CFAP77: variants seen among roughly 807,000 people sequenced by gnomAD.
The protein encoded by CFAP77 is cilia and flagella associated protein 77, also known as cilia- and flagella-associated protein 77.
Under a neutral mutation model 31.1 loss-of-function variants are expected in CFAP77, and 25 were observed. The ratio of observed to expected loss-of-function variants is 0.80; its 90% CI spans 0.59 to 1.12. CFAP77 has a LOEUF of 1.12. Among genes scored for constraint, CFAP77 ranks in the 50% most tolerant of loss-of-function variants. The pLI is 0.00. For synonymous variants in CFAP77, 151 were observed against 159.9 expected, an observed-to-expected ratio of 0.94 and a Z score of 0.42; for missense variants, 377 against 397.3, an observed-to-expected ratio of 0.95 and a Z score of 0.44.
At chr9:132,486,946 C>T (rs1027632177) in intron 1 of CFAP77, among the ~76,000 whole-genome samples, 1 of 152,210 alleles carries the variant, frequency 6.6e-6, no homozygotes, top group Non-Finnish European at 1.5e-5. Flanking sequence ...GAAGGGAGGC[C>T]GGGCTGCCCC....
intron 1 of CFAP77, among the ~76,000 whole-genome samples, chr9:132,471,299 G>C (rs1369708996): frequency 6.6e-6 from 1 of 152,180 alleles, no homozygotes; most frequent in Non-Finnish European, 1.5e-5. Context: ...GAATAATCTG[G>C]AGAAGGTAGC....
At chr9:132,457,502 C>T (rs775797108) in intron 1 of CFAP77, among the ~76,000 whole-genome samples, 22 of 152,166 alleles carry the variant, frequency 1.4e-4, no homozygotes, top group Non-Finnish European at 2.8e-4. Flanking sequence ...TATTCGTTTT[C>T]CCCAGAAATG....
Position 132,501,806 on chromosome 9 carries a change from C to G in CFAP77, c.524+2206C>G, listed in dbSNP as rs1259165622. 1.3e-5 allele frequency among the ~76,000 whole-genome samples: 2 copies of G among 152,230 alleles called. No individual in the cohort carries two copies. The highest frequency in any genetic ancestry group is 2.9e-5 in the Non-Finnish European group (2 of 68,038). On this transcript the variant is annotated intron_variant, in intron 3 of 5. Transcript: ENST00000393216. This position sits in a 1 kb window ranked among gnomAD's most constrained non-coding sequence, Gnocchi z 4.6. ...TGGCTGAGGCCAGGGGAATCTGAAG[C>G]CTGGCTGGCCTGGTCTGATGATGCG...
intron 1 of CFAP77, among the ~76,000 whole-genome samples, chr9:132,472,471 C>T (rs769431735): frequency 3.3e-5 from 5 of 152,202 alleles, no homozygotes; most frequent in African/African-American, 4.8e-5. Flanking sequence ...TAACCACCAT[C>T]GTTGGCCAGG....
At chr9:132,487,013 A>C (rs556010833) in intron 1 of CFAP77, among the ~76,000 whole-genome samples, 2 of 152,378 alleles carry the variant, frequency 1.3e-5, no homozygotes, top group African/African-American at 4.8e-5. Flanking sequence ...CGTGGGAACC[A>C]GACAGGGCTG....
At chr9:132,560,362 A>G (rs955503488) in intron 5 of CFAP77, among the ~76,000 whole-genome samples, 2 of 152,118 alleles carry the variant, frequency 1.3e-5, no homozygotes, top group African/African-American at 4.8e-5. Flanking sequence ...TGAGCTTACA[A>G]GCTGAAGAAG....
rs1222211117 is a variant in CFAP77, at chr9:132,517,330, C to A, written c.524+17730C>A. ...GAGATGGATTTTAATTTTATTTTAA[C>A]AAAATAGCTGTCTCCACTGGAAGAA... On this transcript the variant is annotated intron_variant, in intron 3 of 5. Coordinates refer to ENST00000393216, the MANE Select transcript of CFAP77 (RefSeq NM_001282957.2). This position sits in a 1 kb window ranked among gnomAD's most constrained non-coding sequence, Gnocchi z 4.7. Among the ~76,000 whole-genome samples the A allele has an allele frequency of 6.6e-6, 1 of 152,128 alleles. No individual in the cohort carries two copies. The highest frequency in any genetic ancestry group is 1.5e-5 in the Non-Finnish European group (1 of 68,018).
In CFAP77 at chr9:132,480,865, G is replaced by A. The variant is rs1197094964; in HGVS notation, c.196-17830G>A. ...GGCAGAAAGCGGACGGTGAGCGAGA[G>A]GGCATAAGATGAGGCCAAGGCTAGG... On this transcript the variant is annotated intron_variant, in intron 1 of 5. Coordinates refer to ENST00000393216, the MANE Select transcript of CFAP77 (RefSeq NM_001282957.2). This position sits in a 1 kb window ranked among gnomAD's most constrained non-coding sequence, Gnocchi z 5.8. Among the ~76,000 whole-genome samples, 1 of 152,080 alleles carries A rather than the reference G, an allele frequency of 6.6e-6. No homozygotes were observed. The highest frequency in any genetic ancestry group is 1.5e-5 in the Non-Finnish European group (1 of 68,012).
intron 1 of CFAP77, among the ~76,000 whole-genome samples, chr9:132,478,891 T>C (rs74471397): frequency 0.015 from 2,243 of 151,984 alleles, 31 homozygotes; most frequent in East Asian, 0.058. Flanking sequence ...CTTTTTCTAT[T>C]TTGGTAATTA....
chr9:132,474,146 G>GA (rs1851308303), intron 1 of CFAP77, among the ~76,000 whole-genome samples: 3 of 152,138 alleles, frequency 2.0e-5, no homozygotes, highest in Admixed American at 6.6e-5. Context: ...TTTGCATCTA[G>GA]AAAAAATCTT....
chr9:132,526,782 C>T (rs1852372849), intron 3 of CFAP77, among the ~76,000 whole-genome samples: 1 of 85,856 alleles, frequency 1.2e-5, no homozygotes, highest in East Asian at 3.1e-4. Context: ...TCGACACATA[C>T]ACTCTCCCAA....
chr9:132,439,900 CAT>C (rs2131701342), intron 1 of CFAP77, among the ~76,000 whole-genome samples: 1 of 147,096 alleles, frequency 6.8e-6, no homozygotes, highest in East Asian at 2.0e-4. Context: ...CCAGAGCAAA[CAT>C]CTCTCTTATT....
chr9:132,531,627 G>GGGT (rs1554748484), intron 3 of CFAP77, among the ~76,000 whole-genome samples: 2 of 144,270 alleles, frequency 1.4e-5, no homozygotes, highest in African/African-American at 5.2e-5. Flanking sequence ...CTAAGACATG[G>GGGT]GGGGGGGGGC....
At chr9:132,457,993 C>G (rs1850951928) in intron 1 of CFAP77, among the ~76,000 whole-genome samples, 1 of 152,166 alleles carries the variant, frequency 6.6e-6, no homozygotes, top group Non-Finnish European at 1.5e-5. Flanking sequence ...TCTAACAGCC[C>G]CGATCCCTTA....
intron 3 of CFAP77, among the ~76,000 whole-genome samples, chr9:132,519,187 AATGGATGG>A (rs879385509): frequency 1.6e-3 from 215 of 134,454 alleles, no homozygotes; most frequent in Non-Finnish European, 3.0e-3. Flanking sequence ...TGGGTGAATG[AATGGATGG>A]ATGGATGGGT....
intron 3 of CFAP77, chr9:132,513,357 C>T: frequency 1.3e-6 from 2 of 1,537,542 alleles, no homozygotes; most frequent in Non-Finnish European, 8.8e-7. Context: ...GCCGCTTTCG[C>T]TTCTGATCCT....
chr9:132,455,759 A>T lies in CFAP77; in HGVS notation c.196-42936A>T, dbSNP rs956992470. On this transcript the variant is annotated intron_variant, in intron 1 of 5. Coordinates refer to ENST00000393216, the MANE Select transcript of CFAP77 (RefSeq NM_001282957.2). This position sits in a 1 kb window ranked among gnomAD's most constrained non-coding sequence, Gnocchi z 4.1. ...CAAAACAAAACAAAAAAGCAAAACG[A>T]ACCCCAAATGTCTCTCCACTCAGCT... is the stretch of plus-strand genomic sequence containing the variant. Among the ~76,000 whole-genome samples, 2 of 151,938 alleles carry T rather than the reference A, an allele frequency of 1.3e-5. No homozygotes were observed. Among genetic ancestry groups the T allele is most frequent in the African/African-American group, 4.8e-5 (2 of 41,362 alleles).
chr9:132,459,742 GAGTGTGTGTGTA>G (rs1851010740), intron 1 of CFAP77, among the ~76,000 whole-genome samples: 1 of 138,328 alleles, frequency 7.2e-6, no homozygotes, highest in African/African-American at 3.5e-5. Context: ...ATATGTGTGT[GAGTGTGTGTGTA>G]TGTGTGTGTA....
chr9:132,467,968 A>G (rs1589868137), intron 1 of CFAP77, among the ~76,000 whole-genome samples: 1 of 152,004 alleles, frequency 6.6e-6, no homozygotes, highest in African/African-American at 2.4e-5. Flanking sequence ...GTCCTGAGAT[A>G]AGGGGCACAC....
Sources: gnomAD v4.1 joint callset for allele counts (sites outside exome capture counted in the v4.1 genomes callset) on GRCh38, gnomAD v4.1.1 for gene constraint, Gnocchi (gnomAD v3.1) non-coding constraint, MANE v1.5 for transcripts, NCBI Gene and HGNC (gene_info 2026-07-23, HGNC 2026-07-21) for gene names.